Variants in DLC1 observed in about 807,000 individuals in gnomAD.
DLC1 encodes the protein DLC1 Rho GTPase activating protein, also known as rho GTPase-activating protein 7.
A neutral mutation model predicts 140.3 loss-of-function variants in DLC1; 54 were observed. The observed-to-expected ratio is 0.38, with a 90% confidence interval of 0.31 to 0.48. The LOEUF (loss-of-function observed/expected upper bound fraction) is 0.48. Ranked by LOEUF, DLC1 falls within the 20% of genes least tolerant of loss-of-function variation. The pLI is 0.96. For missense variants in DLC1, 2,536 were observed against 1,907.0 expected, an observed-to-expected ratio of 1.33 and a Z score of -6.14; for synonymous variants, 986 against 728.1, an observed-to-expected ratio of 1.35 and a Z score of -5.70.
intron 5 of DLC1, among the ~76,000 whole-genome samples, chr8:13,126,534 A>G (rs1821586865): frequency 6.6e-6 from 1 of 152,234 alleles, no homozygotes; most frequent in Non-Finnish European, 1.5e-5. Context: ...GAATTTCAAG[A>G]AAGAAAAGTA....
At chr8:13,219,152 A>C (rs1828402168) in intron 5 of DLC1, among the ~76,000 whole-genome samples, 2 of 57,172 alleles carry the variant, frequency 3.5e-5, no homozygotes, top group Non-Finnish European at 6.7e-5. Context: ...ATAATTATAT[A>C]ATTATATGAA....
intron 5 of DLC1, among the ~76,000 whole-genome samples, 179 bp from the exon 6 acceptor site, chr8:13,115,836 G>T (rs960065134): frequency 1.3e-5 from 2 of 152,152 alleles, no homozygotes; most frequent in Non-Finnish European, 2.9e-5. Flanking sequence ...ATCGTTTCCA[G>T]TTTTTTCACG....
intron 3 of DLC1, among the ~76,000 whole-genome samples, chr8:13,398,605 C>CGA (rs374537545): frequency 8.8e-6 from 1 of 113,120 alleles, no homozygotes; most frequent in African/African-American, 3.3e-5. Context: ...CCATCTCTAC[C>CGA]AAAAAAAAAA....
At chr8:13,237,548 G>C (rs980940058) in intron 5 of DLC1, among the ~76,000 whole-genome samples, 1 of 151,750 alleles carries the variant, frequency 6.6e-6, no homozygotes, top group Non-Finnish European at 1.5e-5. Context: ...TGAGGTTTTG[G>C]TGCACCCATC....
intron 5 of DLC1, among the ~76,000 whole-genome samples, chr8:13,240,324 G>A (rs74941632): frequency 0.12 from 17,838 of 152,230 alleles, 1,202 homozygotes; most frequent in South Asian, 0.17. Context: ...ACAATGAAAC[G>A]TGACAATAAC....
intron 5 of DLC1, among the ~76,000 whole-genome samples, chr8:13,120,175 C>G (rs1406846627): frequency 1.3e-5 from 2 of 149,844 alleles, no homozygotes; most frequent in Non-Finnish European, 3.0e-5. Context: ...AAACCCCGTC[C>G]CTACTAAAAA....
intron 5 of DLC1, among the ~76,000 whole-genome samples, chr8:13,254,957 T>G (rs1282643056): frequency 6.8e-6 from 1 of 147,966 alleles, no homozygotes; most frequent in Non-Finnish European, 1.5e-5. Context: ...AAGAGTTATT[T>G]AAAGTACTCT....
At chr8:13,173,367 T>TC (rs1171501535) in intron 5 of DLC1, among the ~76,000 whole-genome samples, 1 of 114,576 alleles carries the variant, frequency 8.7e-6, no homozygotes, top group African/African-American at 3.4e-5. Flanking sequence ...TGTTCTGCCC[T>TC]CTTTTTTTTT....
intron 4 of DLC1, among the ~76,000 whole-genome samples, chr8:13,391,729 A>G (rs529165317): frequency 7.2e-5 from 11 of 152,332 alleles, no homozygotes; most frequent in African/African-American, 2.2e-4. Flanking sequence ...GTTATGAATT[A>G]TGAGACACTC....
intron 1 of DLC1, among the ~76,000 whole-genome samples, chr8:13,579,275 T>C (rs1314365891): frequency 1.1e-5 from 1 of 94,324 alleles, no homozygotes; most frequent in African/African-American, 4.0e-5. Context: ...TATATGCACA[T>C]ATCTACCTGG....
At position 13,133,223 on chromosome 8, in the gene DLC1, TGCG is replaced by T. The variant is rs762085341; in HGVS notation, c.1349-17569_1349-17567del. 31 of 1,415,038 alleles carry T rather than the reference TGCG, an allele frequency of 2.2e-5. No homozygotes were observed. The East Asian group carries it at 2.4e-4, about 11-fold the overall frequency. The allele number at this position is 1,415,038 out of a possible 1,614,324, so 87.7% of individuals were successfully genotyped here. On this transcript the variant is annotated intron_variant, in intron 5 of 17. Transcript: ENST00000276297. ...GAAGTCCGTGAGCCGGCGCTCCTGA[TGCG>T]GAGAGGTGCGGCCATGTCCTGGCTG...
chr8:13,531,248 A>C (rs777834938), intron 1 of DLC1, among the ~76,000 whole-genome samples: 1 of 152,184 alleles, frequency 6.6e-6, no homozygotes, highest in Non-Finnish European at 1.5e-5. Flanking sequence ...AGCAGCCTGA[A>C]CAGGCTACTA....
intron 5 of DLC1, among the ~76,000 whole-genome samples, chr8:13,219,022 G>GAATATAAATATACGAATATAAT (rs1251796878): frequency 1.2e-5 from 1 of 82,118 alleles, no homozygotes; most frequent in Non-Finnish European, 2.2e-5. Context: ...AATTATATAC[G>GAATATAAATATACGAATATAAT]TATATAATTA....
chr8:13,298,932 T>C (rs1832071701), intron 5 of DLC1, among the ~76,000 whole-genome samples: 1 of 152,230 alleles, frequency 6.6e-6, no homozygotes, highest in African/African-American at 2.4e-5. Flanking sequence ...TGGGCTGCTA[T>C]GTAGCCTGAC....
chr8:13,201,210 G>A (rs948668443), intron 5 of DLC1, among the ~76,000 whole-genome samples: 7 of 151,836 alleles, frequency 4.6e-5, no homozygotes, highest in Admixed American at 3.3e-4. Flanking sequence ...ATCTTTCAGA[G>A]TTGCATTTTC....
chr8:13,470,417 CA>C (rs139075549), intron 2 of DLC1, among the ~76,000 whole-genome samples: 37,569 of 151,926 alleles, frequency 0.25, 5,772 homozygotes, highest in Middle Eastern at 0.38. Flanking sequence ...CCCAAAGAGC[CA>C]AACCCCTCCT....
intron 5 of DLC1, among the ~76,000 whole-genome samples, chr8:13,141,215 A>G (rs1231505510): frequency 1.5e-5 from 2 of 133,828 alleles, no homozygotes; most frequent in Admixed American, 8.7e-5. Context: ...AGATTGCGCC[A>G]TTGCACTCCA....
chr8:13,219,516 A>T (rs191959779), intron 5 of DLC1, among the ~76,000 whole-genome samples: 70 of 149,670 alleles, frequency 4.7e-4, no homozygotes, highest in African/African-American at 1.3e-3. Context: ...AAACTGCCAA[A>T]TTATCTTAAA....
At chr8:13,349,024 T>G (rs1214979537) in intron 4 of DLC1, among the ~76,000 whole-genome samples, 2 of 152,236 alleles carry the variant, frequency 1.3e-5, no homozygotes, top group East Asian at 3.9e-4. Flanking sequence ...TATGTAGCAC[T>G]AAGATTCGTA....
Sources: gnomAD v4.1 joint callset for allele counts (sites outside exome capture counted in the v4.1 genomes callset) on GRCh38, gnomAD v4.1.1 for gene constraint, MANE v1.5 for transcripts, NCBI Gene and HGNC (gene_info 2026-07-23, HGNC 2026-07-21) for gene names.